MIPOL1: variants seen among roughly 807,000 people sequenced by gnomAD.
The protein encoded by MIPOL1 is mirror-image polydactyly 1.
MIPOL1 carries 57 observed loss-of-function variants against 60.9 expected under a neutral mutation model. The ratio of observed to expected loss-of-function variants is 0.94; its 90% CI spans 0.76 to 1.17. The LOEUF is 1.17. Ranked by LOEUF, MIPOL1 falls within the 50% of genes most tolerant of loss-of-function variation. The pLI, the probability that MIPOL1 is intolerant of heterozygous loss-of-function variation, is 0.00. For missense variants in MIPOL1, 551 were observed against 511.6 expected (o/e 1.08, Z -0.74); for synonymous variants, 179 against 168.8 (o/e 1.06, Z -0.47).
intron 1 of MIPOL1, among the ~76,000 whole-genome samples, chr14:37,220,944 T>C (rs570036129): frequency 6.8e-4 from 103 of 152,216 alleles, no homozygotes; most frequent in South Asian, 2.5e-3. Context: ...CCCAGCTAAT[T>C]GTTTTAAAAA....
At chr14:37,236,272 C>CA (rs770495886) in intron 1 of MIPOL1, among the ~76,000 whole-genome samples, 2 of 151,878 alleles carry the variant, frequency 1.3e-5, no homozygotes, top group Non-Finnish European at 2.9e-5. Flanking sequence ...AGTCATATGT[C>CA]ATTGTGGTTT....
chr14:37,319,886 A>T (rs1219435092), intron 9 of MIPOL1, among the ~76,000 whole-genome samples: 1 of 152,132 alleles, frequency 6.6e-6, no homozygotes, highest in Non-Finnish European at 1.5e-5. Context: ...AACTTCATAT[A>T]AAAGGAGTCA....
chr14:37,294,408 T>A (rs2085410667), intron 7 of MIPOL1, among the ~76,000 whole-genome samples: 1 of 152,060 alleles, frequency 6.6e-6, no homozygotes, highest in Non-Finnish European at 1.5e-5. Context: ...GCGCCTCTCC[T>A]CCTCCAAAGG....
intron 10 of MIPOL1, among the ~76,000 whole-genome samples, chr14:37,381,420 T>C (rs2092921987): frequency 6.6e-6 from 1 of 152,106 alleles, no homozygotes; most frequent in Non-Finnish European, 1.5e-5. Context: ...CTCTGATATA[T>C]TTTTGGAAAC....
At position 37,318,828 on chromosome 14, in the gene MIPOL1, G is replaced by T. The variant is rs141114203; in HGVS notation, c.828+10309G>T. On this transcript the variant is annotated intron_variant, in intron 9 of 12. Transcript: ENST00000684589. The stretch of plus-strand genomic sequence containing the variant: ...ATTTATTTATTTATTTATTTATTTA[G>T]TTAGTTAGTTAGTTAGTTAAGACAG... Among the ~76,000 whole-genome samples, 848 of 150,510 alleles carry T rather than the reference G, an allele frequency of 5.6e-3. 12 individuals are homozygous for T. Among genetic ancestry groups the T allele is most frequent in the African/African-American group, 0.02 (804 of 40,332 alleles).
At chr14:37,464,780 T>C (rs963553619) in intron 11 of MIPOL1, among the ~76,000 whole-genome samples, 1 of 152,230 alleles carries the variant, frequency 6.6e-6, no homozygotes, top group African/African-American at 2.4e-5. Flanking sequence ...AAAGGTTAGT[T>C]AATGCAACTT....
intron 11 of MIPOL1, among the ~76,000 whole-genome samples, chr14:37,495,515 T>C (rs1256322190): frequency 3.3e-5 from 5 of 150,292 alleles, no homozygotes; most frequent in Admixed American, 2.7e-4. Flanking sequence ...CACATTTTCT[T>C]AATCCAGTCT....
intron 12 of MIPOL1, among the ~76,000 whole-genome samples, chr14:37,544,890 A>G (rs1282508887): frequency 6.6e-6 from 1 of 152,214 alleles, no homozygotes; most frequent in African/African-American, 2.4e-5. Flanking sequence ...CTAAATGGAA[A>G]GATGTCCTAA....
intron 3 of MIPOL1, 123 bp downstream of exon 3, chr14:37,248,030 AC>A: frequency 7.0e-6 from 6 of 859,770 alleles, no homozygotes; most frequent in Admixed American, 2.4e-5. Context: ...ACACACACAC[AC>A]AAAACATGCA....
chr14:37,434,588 A>AC (rs2094133318), intron 11 of MIPOL1: 1 of 151,992 alleles, frequency 6.6e-6, no homozygotes, highest in Non-Finnish European at 1.5e-5. Context: ...TTAAAAAAAA[A>AC]ATAGAGGCAA....
intron 12 of MIPOL1, among the ~76,000 whole-genome samples, chr14:37,535,735 A>G (rs1053555950): frequency 2.6e-5 from 4 of 152,174 alleles, no homozygotes; most frequent in African/African-American, 4.8e-5. Flanking sequence ...AGAAGGTGCT[A>G]TTCACAAAAT....
At position 37,422,905 on chromosome 14, in the gene MIPOL1, C is replaced by CA. The variant is rs2093900182; in HGVS notation, c.993dup (p.Leu332ThrfsTer29). ...CCAGAGAAACTGCAGTTCAACAGTA[C>CA]AAAAAACTGGAAGAGGAAATCCAGA... is the stretch of plus-strand genomic sequence containing the variant. On this transcript the variant is annotated frameshift_variant, in exon 11 of 13. Transcript: ENST00000684589. LOFTEE classifies it high-confidence loss of function. 1.9e-6 allele frequency: 3 copies of CA among 1,608,676 alleles called. No homozygotes were observed. The highest frequency in any genetic ancestry group is 1.3e-5 in the African/African-American group (1 of 74,544).
chr14:37,350,878 T>C (rs927608179), intron 9 of MIPOL1, among the ~76,000 whole-genome samples: 2 of 152,108 alleles, frequency 1.3e-5, no homozygotes, highest in East Asian at 3.9e-4. Context: ...TGATCTCCAG[T>C]TCCATCCATG....
chr14:37,495,860 G>T (rs867500034), intron 11 of MIPOL1, among the ~76,000 whole-genome samples: 8 of 151,348 alleles, frequency 5.3e-5, no homozygotes, highest in African/African-American at 1.9e-4. Flanking sequence ...GTTTTGATTT[G>T]CATTTCTCTG....
intron 3 of MIPOL1, among the ~76,000 whole-genome samples, chr14:37,266,734 C>T (rs932774169): frequency 6.6e-6 from 1 of 152,170 alleles, no homozygotes; most frequent in Non-Finnish European, 1.5e-5. Flanking sequence ...ACTCTTAAGT[C>T]CCAACTCTTT....
At chr14:37,206,772 A>G (rs1391393509) in intron 1 of MIPOL1, among the ~76,000 whole-genome samples, 1 of 152,200 alleles carries the variant, frequency 6.6e-6, no homozygotes, top group African/African-American at 2.4e-5. Context: ...GTCAAAGGAG[A>G]TAATTTTGGA....
chr14:37,463,374 A>G (rs2094561991), intron 11 of MIPOL1, among the ~76,000 whole-genome samples: 2 of 152,204 alleles, frequency 1.3e-5, no homozygotes, highest in Non-Finnish European at 2.9e-5. Flanking sequence ...GTGGGGACAC[A>G]GAGCCAAATT....
intron 11 of MIPOL1, among the ~76,000 whole-genome samples, chr14:37,433,865 C>T (rs75595164): frequency 6.6e-6 from 1 of 152,018 alleles, no homozygotes; most frequent in Non-Finnish European, 1.5e-5. Context: ...CCTGAACTCA[C>T]TCTTCTTTAT....
chr14:37,469,402 G>A (rs1445811752), intron 11 of MIPOL1, among the ~76,000 whole-genome samples: 2 of 152,098 alleles, frequency 1.3e-5, no homozygotes. Context: ...ACAGCACCAA[G>A]GAGTGGTACT....
Sources: gnomAD v4.1 joint callset for allele counts (sites outside exome capture counted in the v4.1 genomes callset) on GRCh38, gnomAD v4.1.1 for gene constraint, MANE v1.5 for transcripts, NCBI Gene and HGNC (gene_info 2026-07-23, HGNC 2026-07-21) for gene names.